The following TFDP1 variants were observed in gnomAD, a reference collection of about 807,000 sequenced individuals.
The protein encoded by TFDP1 is transcription factor Dp-1.
TFDP1 carries 6 observed loss-of-function variants against 48.0 expected under a neutral mutation model. That is an observed-to-expected ratio of 0.13 (90% CI 0.07 to 0.25). The LOEUF is 0.25. TFDP1 is among the 10% of genes least tolerant of loss of function. The pLI is 1.00. For synonymous variants in TFDP1, 201 were observed against 211.6 expected (o/e 0.95, Z 0.44); for missense variants, 335 against 543.0 (o/e 0.62, Z 3.81).
chr13:113,609,970 C>T (rs1195498829), intron 2 of TFDP1, among the ~76,000 whole-genome samples: 1 of 152,216 alleles, frequency 6.6e-6, no homozygotes, highest in African/African-American at 2.4e-5. Flanking sequence ...TCGCAGAGCC[C>T]GGCCTCTGGG....
In TFDP1 at chr13:113,638,411, G is replaced by A. The variant is rs575098951; in HGVS notation, c.1085+515G>A. Among the ~76,000 whole-genome samples, 6 of 151,944 alleles carry A rather than the reference G, an allele frequency of 3.9e-5. No individual in the cohort carries two copies. In the East Asian group the frequency reaches 7.8e-4, roughly 20 times the overall value. On this transcript the variant is annotated intron_variant, in intron 11 of 11. Coordinates refer to ENST00000375370, the MANE Select transcript of TFDP1 (RefSeq NM_007111.5). ...TCATAGCGCATGTATTTTTCAGAAC[G>A]TCTGCCATCACGGCGCACGTGTTTT...
In TFDP1 at chr13:113,623,064, C is replaced by T. The variant is rs1472880731; in HGVS notation, c.80-116C>T. ...TGAGCCCTGGATTTGAGACAGTACACGTGGGGAAAGCTAAGCATCTCTAAT... is the reference window on the plus strand; with the variant it reads ...TGAGCCCTGGATTTGAGACAGTACATGTGGGGAAAGCTAAGCATCTCTAAT... On this transcript the variant is annotated intron_variant, in intron 3 of 11. Coordinates refer to ENST00000375370, the MANE Select transcript of TFDP1 (RefSeq NM_007111.5). This position sits in a 1 kb window ranked among gnomAD's most constrained non-coding sequence, Gnocchi z 5.2. 18 of 855,550 alleles carry T rather than the reference C, an allele frequency of 2.1e-5. No individual in the cohort carries two copies. Among genetic ancestry groups the T allele is most frequent in the South Asian group, 1.3e-4 (8 of 61,732 alleles). The allele number at this position is 855,550 out of a possible 1,614,324, so 53.0% of individuals were successfully genotyped here. A position where few individuals can be genotyped will look rare whatever the true frequency, so the allele number is the denominator to read the frequency against.
intron 4 of TFDP1, among the ~76,000 whole-genome samples, chr13:113,629,951 C>T (rs1485878379): frequency 1.3e-5 from 2 of 152,194 alleles, no homozygotes; most frequent in Non-Finnish European, 2.9e-5. Flanking sequence ...CCCCCTGTAC[C>T]TGTGCGTGTG....
chr13:113,616,795 A>G (rs751594811), intron 3 of TFDP1, among the ~76,000 whole-genome samples: 2 of 151,972 alleles, frequency 1.3e-5, no homozygotes, highest in African/African-American at 2.4e-5. Flanking sequence ...AGCTGTTAGG[A>G]AGGGGGTTAT....
chr13:113,587,753 C>T (rs977248746), intron 2 of TFDP1, among the ~76,000 whole-genome samples: 7 of 151,810 alleles, frequency 4.6e-5, no homozygotes, highest in African/African-American at 1.5e-4. Flanking sequence ...CGTGAGCCAC[C>T]GCGCCCGGCC....
chr13:113,595,670 G>A (rs2048268042), intron 2 of TFDP1, among the ~76,000 whole-genome samples: 1 of 152,248 alleles, frequency 6.6e-6, no homozygotes. Flanking sequence ...GAAATTGCCT[G>A]TGCGCGTGCA....
intron 3 of TFDP1, among the ~76,000 whole-genome samples, chr13:113,619,322 G>A (rs1178787445): frequency 1.3e-5 from 2 of 151,988 alleles, no homozygotes; most frequent in Non-Finnish European, 2.9e-5. Flanking sequence ...AAATACAAAA[G>A]TTAGCCAGTG....
rs1162722709 is a variant in TFDP1 at position 113,598,024 on chromosome 13, A to G, written c.12+12175A>G. 2.0e-5 allele frequency among the ~76,000 whole-genome samples: 3 copies of G among 152,172 alleles called. 1 individual carries two copies. Among genetic ancestry groups the G allele is most frequent in the Admixed American group, 2.0e-4 (3 of 15,288 alleles). On this transcript the variant is annotated intron_variant, in intron 2 of 11. Coordinates refer to ENST00000375370, the MANE Select transcript of TFDP1 (RefSeq NM_007111.5). This position sits in a 1 kb window ranked among gnomAD's most constrained non-coding sequence, Gnocchi z 4.2. ...CTGCAGGCACGAGGTGTTCAAATGC[A>G]GCAGTGACTTCATAAGAAAAGGGAG...
intron 2 of TFDP1, among the ~76,000 whole-genome samples, chr13:113,605,080 C>T (rs1229076848): frequency 1.3e-5 from 2 of 151,992 alleles, no homozygotes; most frequent in South Asian, 2.1e-4. Context: ...ATCATGGCAT[C>T]GTCACTGTCT....
chr13:113,610,074 C>G lies in TFDP1; in HGVS notation c.13-922C>G, dbSNP rs145381091. Among the ~76,000 whole-genome samples the G allele has an allele frequency of 1.2e-3, 180 of 152,366 alleles. 1 individual carries two copies. Among genetic ancestry groups the G allele is most frequent in the African/African-American group, 3.9e-3 (163 of 41,582 alleles). On this transcript the variant is annotated intron_variant, in intron 2 of 11. Coordinates refer to ENST00000375370, the MANE Select transcript of TFDP1 (RefSeq NM_007111.5). ...GGTTGACAGTTCTGATAGGAGTCCC[C>G]CTTAATGTGTCTTGCCGTGTGGCTG...
chr13:113,634,952 T>A (rs1473498363), intron 8 of TFDP1, among the ~76,000 whole-genome samples: 1 of 152,204 alleles, frequency 6.6e-6, no homozygotes, highest in Non-Finnish European at 1.5e-5. Flanking sequence ...TGTATGTGTG[T>A]ATCTCTCGTC....
chr13:113,589,285 C>T lies in TFDP1; in HGVS notation c.12+3436C>T, dbSNP rs555844538. ...GGAGAATGTGGAGAACAGGAGTCAG[C>T]TGCCATACGGCCACCTGGCTGGCTC... is the stretch of plus-strand genomic sequence containing the variant. On this transcript the variant is annotated intron_variant, in intron 2 of 11. Coordinates refer to ENST00000375370, the MANE Select transcript of TFDP1 (RefSeq NM_007111.5). 3.3e-5 allele frequency among the ~76,000 whole-genome samples: 5 copies of T among 152,328 alleles called. No homozygotes were observed. In the South Asian group the frequency reaches 1.0e-3, roughly 32 times the overall value.
chr13:113,585,133 C>G (rs1594383767), intron 1 of TFDP1: 2 of 147,058 alleles, frequency 1.4e-5, no homozygotes, highest in East Asian at 3.9e-4. Flanking sequence ...CAGCAGCGTC[C>G]GCGCCCCACG....
chr13:113,588,266 T>A (rs753939625), intron 2 of TFDP1, among the ~76,000 whole-genome samples: 25 of 152,220 alleles, frequency 1.6e-4, no homozygotes, highest in Non-Finnish European at 2.6e-4. Context: ...GCCTCCAGCT[T>A]CTAAGTGCCC....
intron 5 of TFDP1, among the ~76,000 whole-genome samples, chr13:113,632,469 T>A (rs957021175): frequency 6.6e-6 from 1 of 152,188 alleles, no homozygotes; most frequent in Non-Finnish European, 1.5e-5. Context: ...CACTGAAACG[T>A]CCCATAGTTC....
rs1324323941 is a variant in TFDP1 at position 113,633,335 on chromosome 13, G to C, written c.474+50G>C. Reference sequence around the variant, plus strand: ...GGCTGGGGTGGCGGAGCCCAGCGGTGTGGTACGTTTCGCTCTTTTAATATC... The same window carrying C: ...GGCTGGGGTGGCGGAGCCCAGCGGTCTGGTACGTTTCGCTCTTTTAATATC... On this transcript the variant is annotated intron_variant, in intron 6 of 11. Transcript: ENST00000375370. The surrounding 1 kb of genome is among the most constrained non-coding windows in gnomAD (Gnocchi z 4.5). 7.1e-7 allele frequency: 1 copy of C among 1,411,852 alleles called. No individual in the cohort carries two copies. Among genetic ancestry groups the C allele is most frequent in the Admixed American group, 1.9e-5 (1 of 52,152 alleles). 87.5% of individuals were successfully genotyped at this position (1,411,852 alleles called of 1,614,324 possible). A position where few individuals can be genotyped will look rare whatever the true frequency, so the allele number is the denominator to read the frequency against.
chr13:113,637,558 G>T lies in TFDP1; in HGVS notation c.1007-260G>T, dbSNP rs183468725. 3 of 1,451,602 alleles carry T rather than the reference G, an allele frequency of 2.1e-6. No homozygotes were observed. The Admixed American group carries it at 6.2e-5, about 30-fold the overall frequency. 89.9% of individuals were successfully genotyped at this position (1,451,602 alleles called of 1,614,324 possible). On this transcript the variant is annotated intron_variant, in intron 10 of 11. Transcript: ENST00000375370. ...GTATGATACTGAGGCAGCAGCACAC[G>T]TGTGCCGTTTGTAAGTCAGTGTGTG...
intron 2 of TFDP1, among the ~76,000 whole-genome samples, chr13:113,596,454 C>T (rs368692984): frequency 1.6e-3 from 238 of 152,212 alleles, no homozygotes; most frequent in African/African-American, 5.4e-3. Context: ...CCCGGTAGCC[C>T]GAGTTGAGCT....
At chr13:113,600,973 C>T (rs1036625571) in intron 2 of TFDP1, among the ~76,000 whole-genome samples, 5 of 152,256 alleles carry the variant, frequency 3.3e-5, no homozygotes, top group African/African-American at 7.2e-5. Context: ...TCCAGGACCA[C>T]GAGAGAGAAC....
Sources: allele counts gnomAD v4.1 joint callset (sites outside exome capture counted in the v4.1 genomes callset), GRCh38; gene constraint gnomAD v4.1.1; non-coding constraint Gnocchi (gnomAD v3.1); transcripts MANE v1.5; gene names NCBI Gene and HGNC (gene_info 2026-07-23, HGNC 2026-07-21).